The following GPR158 variants were observed in gnomAD, a reference collection of about 807,000 sequenced individuals.
The protein encoded by GPR158 is metabotropic glycine receptor.
GPR158 carries 30 observed loss-of-function variants against 78.2 expected under a neutral mutation model. The observed-to-expected ratio is 0.38, with a 90% CI of 0.29 to 0.52. GPR158 has a LOEUF of 0.52. GPR158 is among the 20% of genes least tolerant of loss of function. The pLI is 0.83. For synonymous variants in GPR158, 581 were observed against 591.1 expected, an observed-to-expected ratio of 0.98 and a Z score of 0.25; for missense variants, 1,463 against 1,523.5, an observed-to-expected ratio of 0.96 and a Z score of 0.66.
intron 5 of GPR158, among the ~76,000 whole-genome samples, chr10:25,484,575 T>C (rs1835707055): frequency 6.6e-6 from 1 of 152,132 alleles, no homozygotes; most frequent in African/African-American, 2.4e-5. Context: ...GATAGAAAAC[T>C]TGACAGTGAG....
rs563201666 is a variant in GPR158, at chr10:25,325,283, G to A, written c.1009-70628G>A. On this transcript the variant is annotated intron_variant, in intron 2 of 10. Coordinates refer to ENST00000376351, the MANE Select transcript of GPR158 (RefSeq NM_020752.3). ...AATATTTGTTTTATTCATTCAGAAA[G>A]TGTGGAATACAGTGTTTGTCTTTCT... 7.9e-5 allele frequency among the ~76,000 whole-genome samples: 12 copies of A among 152,294 alleles called. No individual in the cohort carries two copies. The South Asian group carries it at 2.5e-3, about 32-fold the overall frequency.
rs149026331 is a variant in GPR158 at position 25,239,238 on chromosome 10, G to T, written c.1008+18081G>T. ...AAGCTTCTTTTATGAAATTCAGGAGGTATGGAGTGAGAGATATGGGTGAGA... is the reference window on the plus strand; with the variant it reads ...AAGCTTCTTTTATGAAATTCAGGAGTTATGGAGTGAGAGATATGGGTGAGA... On this transcript the variant is annotated intron_variant, in intron 2 of 10. Transcript: ENST00000376351. Among the ~76,000 whole-genome samples, 433 of 152,232 alleles carry T rather than the reference G, an allele frequency of 2.8e-3. 1 individual carries two copies. Among genetic ancestry groups the T allele is most frequent in the African/African-American group, 9.9e-3 (413 of 41,554 alleles).
chr10:25,461,706 C>A (rs1451240180), intron 4 of GPR158, among the ~76,000 whole-genome samples: 1 of 151,144 alleles, frequency 6.6e-6, no homozygotes, highest in East Asian at 1.9e-4. Context: ...TAGCCCTCTA[C>A]TGGAAGAAGA....
chr10:25,595,347 T>C (rs1481499262), intron 9 of GPR158, among the ~76,000 whole-genome samples: 1 of 152,254 alleles, frequency 6.6e-6, no homozygotes, highest in Non-Finnish European at 1.5e-5. Context: ...ACTATTTTGA[T>C]ACTTTGCATA....
In GPR158 at chr10:25,241,176, T is replaced by TCTTTCTTTC. The variant is rs1554787132; in HGVS notation, c.1008+20020_1008+20028dup. 7.3e-5 allele frequency among the ~76,000 whole-genome samples: 7 copies of TCTTTCTTTC among 96,452 alleles called. No homozygotes were observed. In the East Asian group the frequency reaches 1.3e-3, roughly 19 times the overall value. 63.3% of individuals were successfully genotyped at this position (96,452 alleles called of 152,430 possible). A position where few individuals can be genotyped will look rare whatever the true frequency, so the allele number is the denominator to read the frequency against. On this transcript the variant is annotated intron_variant, in intron 2 of 10. Coordinates refer to ENST00000376351, the MANE Select transcript of GPR158 (RefSeq NM_020752.3). ...TTCTTTCTTTCTTTCTTTCTTTCTT[T>TCTTTCTTTC]CTTTCTTTCTTTCCTTTCTTTCTTT... is the stretch of plus-strand genomic sequence containing the variant.
At chr10:25,580,718 A>T (rs937114100) in intron 7 of GPR158, among the ~76,000 whole-genome samples, 1 of 152,008 alleles carries the variant, frequency 6.6e-6, no homozygotes, top group Non-Finnish European at 1.5e-5. Context: ...TATTTTAAAC[A>T]TACATTTTTA....
At chr10:25,550,873 A>G (rs1836717163) in intron 5 of GPR158, 103 bp from the exon 6 acceptor site, 1 of 718,860 alleles carries the variant, frequency 1.4e-6, no homozygotes, top group African/African-American at 1.8e-5. Context: ...AGATGAGTGT[A>G]TATCAAAATT....
At chr10:25,423,107 C>G (rs74773188) in intron 4 of GPR158, among the ~76,000 whole-genome samples, 104,839 of 149,350 alleles carry the variant, frequency 0.7, 37,738 homozygotes, top group Non-Finnish European at 0.8. Context: ...GTGTATATGT[C>G]TACACATATA....
chr10:25,371,451 A>G (rs1452812238), intron 2 of GPR158, among the ~76,000 whole-genome samples: 4 of 151,934 alleles, frequency 2.6e-5, no homozygotes, highest in South Asian at 2.1e-4. Context: ...CCTGACTTCA[A>G]ACTATACTAT....
At chr10:25,503,231 A>G (rs1490960267) in intron 5 of GPR158, among the ~76,000 whole-genome samples, 1 of 151,682 alleles carries the variant, frequency 6.6e-6, no homozygotes, top group African/African-American at 2.4e-5. Context: ...ATTATAATCA[A>G]CCGGACATGG....
intron 1 of GPR158, among the ~76,000 whole-genome samples, chr10:25,204,826 T>TTTG (rs940739233): frequency 2.6e-5 from 4 of 151,202 alleles, no homozygotes; most frequent in African/African-American, 9.8e-5. Context: ...GGGTTTTTTT[T>TTTG]TTTTTTTTTT....
intron 5 of GPR158, among the ~76,000 whole-genome samples, chr10:25,484,943 A>G (rs1835712844): frequency 6.6e-6 from 1 of 152,164 alleles, no homozygotes; most frequent in African/African-American, 2.4e-5. Flanking sequence ...AATTTTAAAG[A>G]ATTTTAACAG....
intron 4 of GPR158, among the ~76,000 whole-genome samples, chr10:25,464,132 G>T (rs981002439): frequency 3.3e-5 from 5 of 152,192 alleles, no homozygotes; most frequent in African/African-American, 9.7e-5. Context: ...CCAGGAGCAA[G>T]GCAGTGAACT....
At chr10:25,256,393 T>A (rs192821015) in intron 2 of GPR158, among the ~76,000 whole-genome samples, 3 of 152,288 alleles carry the variant, frequency 2.0e-5, no homozygotes, top group Admixed American at 2.0e-4. Flanking sequence ...GGCTAACGCC[T>A]ATAAACTCAA....
chr10:25,335,294 T>C (rs1054672839), intron 2 of GPR158, among the ~76,000 whole-genome samples: 57 of 152,142 alleles, frequency 3.7e-4, no homozygotes, highest in Non-Finnish European at 6.2e-4. Flanking sequence ...TTCTTGCTAT[T>C]AATATTTCAT....
chr10:25,372,884 A>G (rs905182970), intron 2 of GPR158, among the ~76,000 whole-genome samples: 22 of 151,722 alleles, frequency 1.5e-4, no homozygotes, highest in African/African-American at 5.1e-4. Context: ...ATAAAATGGA[A>G]ATTAATACAA....
At chr10:25,371,647 A>G in intron 2 of GPR158, among the ~76,000 whole-genome samples, 1 of 138,404 alleles carries the variant, frequency 7.2e-6, no homozygotes, top group Non-Finnish European at 1.6e-5. Flanking sequence ...AAAACTGGCT[A>G]GCCATATGGA....
intron 5 of GPR158, among the ~76,000 whole-genome samples, chr10:25,534,098 C>A (rs4474349): frequency 5.7e-4 from 87 of 152,128 alleles, no homozygotes; most frequent in Non-Finnish European, 9.9e-4. Context: ...TCTCCTGGGC[C>A]AGCTTTCAGC....
chr10:25,486,764 A>C (rs1835740983), intron 5 of GPR158, among the ~76,000 whole-genome samples: 2 of 151,852 alleles, frequency 1.3e-5, no homozygotes, highest in African/African-American at 4.8e-5. Context: ...TGGTAAAGGA[A>C]TGGTTGCTCT....
Sources: gnomAD v4.1 joint callset for allele counts (sites outside exome capture counted in the v4.1 genomes callset) on GRCh38, gnomAD v4.1.1 for gene constraint, MANE v1.5 for transcripts, NCBI Gene and HGNC (gene_info 2026-07-23, HGNC 2026-07-21) for gene names.